SPINK13: variants seen among roughly 807,000 people sequenced by gnomAD.
SPINK13 encodes serine peptidase inhibitor Kazal type 13.
SPINK13 carries 11 observed loss-of-function variants against 11.0 expected under a neutral mutation model. The observed-to-expected ratio is 1.00, with a 90% confidence interval of 0.63 to 1.65. SPINK13 has a LOEUF of 1.65. Ranked by LOEUF, SPINK13 falls within the 40% of genes most tolerant of loss-of-function variation. SPINK13 has a pLI of 0.00. For missense variants in SPINK13, 113 were observed against 117.7 expected, an observed-to-expected ratio of 0.96 and a Z score of 0.19; for synonymous variants, 31 against 35.6, an observed-to-expected ratio of 0.87 and a Z score of 0.46.
chr5:148,281,328 G>C (rs112097481), intron 3 of SPINK13, among the ~76,000 whole-genome samples: 6,439 of 151,694 alleles, frequency 0.042, 353 homozygotes, highest in African/African-American at 0.12. Flanking sequence ...CACCCCTGGG[G>C]TATGAAAAAA....
At chr5:148,284,968 T>G (rs147352981) in intron 4 of SPINK13, among the ~76,000 whole-genome samples, 1 of 152,204 alleles carries the variant, frequency 6.6e-6, no homozygotes, top group East Asian at 1.9e-4. Context: ...AACATATGCA[T>G]GCAAAGTTGA....
chr5:148,275,915 C>T (rs931446435), intron 3 of SPINK13, among the ~76,000 whole-genome samples: 1 of 152,102 alleles, frequency 6.6e-6, no homozygotes, highest in African/African-American at 2.4e-5. Context: ...CCCGCCTCCG[C>T]CTCCCAAAGT....
chr5:148,278,020 G>A (rs1756457177), intron 3 of SPINK13, among the ~76,000 whole-genome samples: 1 of 152,136 alleles, frequency 6.6e-6, no homozygotes, highest in South Asian at 2.1e-4. Flanking sequence ...ATGTGTCCAG[G>A]AATTTATCCA....
At chr5:148,285,858 GAA>G (rs377666874) in intron 4 of SPINK13, 140 bp from the exon 5 acceptor site, 84 of 395,824 alleles carry the variant, frequency 2.1e-4, no homozygotes, top group South Asian at 3.9e-4. Context: ...AAACAAAAAT[GAA>G]AAAAAAAAAG....
chr5:148,272,190 G>A (rs79248895), intron 2 of SPINK13, among the ~76,000 whole-genome samples: 3 of 152,024 alleles, frequency 2.0e-5, no homozygotes, highest in Non-Finnish European at 2.9e-5. Flanking sequence ...TCTTATACAT[G>A]TTTTTTGATG....
chr5:148,283,100 G>T (rs915606958), intron 4 of SPINK13, among the ~76,000 whole-genome samples: 12 of 151,992 alleles, frequency 7.9e-5, no homozygotes, highest in Non-Finnish European at 2.9e-5. Context: ...TCTCCCAGTG[G>T]ACTCACAGAA....
chr5:148,269,742 T>A (rs997484360), intron 1 of SPINK13, among the ~76,000 whole-genome samples: 5 of 152,196 alleles, frequency 3.3e-5, no homozygotes, highest in Non-Finnish European at 7.3e-5. Flanking sequence ...GGTGAACCTA[T>A]GTATAGGTAA....
Position 148,274,448 on chromosome 5 carries a change from A to C in SPINK13, c.108+64A>C, listed in dbSNP as rs527729782. 50 of 1,372,644 alleles carry C rather than the reference A, an allele frequency of 3.6e-5. 1 individual carries two copies. In the East Asian group the frequency reaches 1.2e-3, roughly 32 times the overall value. The allele number at this position is 1,372,644 out of a possible 1,614,324, so 85.0% of individuals were successfully genotyped here. On this transcript the variant is annotated intron_variant, in intron 3 of 4. Coordinates refer to ENST00000398450, the MANE Select transcript of SPINK13 (RefSeq NM_001040129.3). The stretch of plus-strand genomic sequence containing the variant: ...TCTAATCACTCTCCAGACATGAGAG[A>C]TCTAAAACTTCATGGAAAGTCAGGC...
At chr5:148,281,680 C>A (rs1431772617) in intron 3 of SPINK13, among the ~76,000 whole-genome samples, 1 of 152,192 alleles carries the variant, frequency 6.6e-6, no homozygotes, top group Non-Finnish European at 1.5e-5. Context: ...AAATCACCCA[C>A]CTTCTGCATT....
chr5:148,278,947 C>T (rs2113370907), intron 3 of SPINK13, among the ~76,000 whole-genome samples: 1 of 152,170 alleles, frequency 6.6e-6, no homozygotes, highest in Middle Eastern at 3.4e-3. Flanking sequence ...CTGGGTGCTC[C>T]TGTATTGGGT....
chr5:148,274,099 A>G (rs968254482), intron 2 of SPINK13, among the ~76,000 whole-genome samples: 1 of 152,202 alleles, frequency 6.6e-6, no homozygotes, highest in Admixed American at 6.5e-5. Flanking sequence ...TATATATACA[A>G]CCTCAGTTTT....
At chr5:148,282,073 T>C (rs775677194) in intron 3 of SPINK13, 31 bp from the exon 4 acceptor site, 2 of 1,611,690 alleles carry the variant, frequency 1.2e-6, no homozygotes, top group African/African-American at 2.7e-5. Context: ...GAGTGTATTA[T>C]TTGTCACTTT....
intron 2 of SPINK13, among the ~76,000 whole-genome samples, chr5:148,271,095 GA>G (rs1311265990): frequency 1.3e-5 from 2 of 152,172 alleles, no homozygotes; most frequent in African/African-American, 4.8e-5. Flanking sequence ...ATAAATTACA[GA>G]TTAGTAAAGC....
At chr5:148,269,389 T>A (rs529257480) in intron 1 of SPINK13, among the ~76,000 whole-genome samples, 2 of 152,184 alleles carry the variant, frequency 1.3e-5, no homozygotes, top group African/African-American at 4.8e-5. Flanking sequence ...ATATGTCATA[T>A]GTTTTTTGTT....
intron 2 of SPINK13, among the ~76,000 whole-genome samples, chr5:148,271,396 T>C (rs1756347995): frequency 6.6e-6 from 1 of 152,184 alleles, no homozygotes; most frequent in Non-Finnish European, 1.5e-5. Flanking sequence ...TCCAGTAATG[T>C]AGTATTCAAT....
intron 2 of SPINK13, among the ~76,000 whole-genome samples, chr5:148,271,322 C>T (rs908905244): frequency 1.3e-5 from 2 of 152,056 alleles, no homozygotes; most frequent in South Asian, 2.1e-4. Context: ...TCATTGGGTT[C>T]AATCAAAAAG....
chr5:148,283,686 T>A (rs1369047594), intron 4 of SPINK13, among the ~76,000 whole-genome samples: 1 of 152,226 alleles, frequency 6.6e-6, no homozygotes, highest in African/African-American at 2.4e-5. Flanking sequence ...ATAGAATAAT[T>A]AAGTTACATT....
intron 4 of SPINK13, 86 bp downstream of exon 4, chr5:148,282,317 A>G (rs1170696041): frequency 6.7e-7 from 1 of 1,488,032 alleles, no homozygotes; most frequent in East Asian, 2.4e-5. Context: ...ATTGGGTTTT[A>G]CTGATGCATA....
chr5:148,283,232 C>T (rs952829622), intron 4 of SPINK13, among the ~76,000 whole-genome samples: 1 of 152,148 alleles, frequency 6.6e-6, no homozygotes, highest in African/African-American at 2.4e-5. Flanking sequence ...GCACAGAATA[C>T]CTACATGGCT....
Sources: allele counts gnomAD v4.1 joint callset (sites outside exome capture counted in the v4.1 genomes callset), GRCh38; gene constraint gnomAD v4.1.1; transcripts MANE v1.5; gene names NCBI Gene and HGNC (gene_info 2026-07-23, HGNC 2026-07-21).